The following PDE4D variants were observed in gnomAD, a reference collection of about 807,000 sequenced individuals.
The protein encoded by PDE4D is phosphodiesterase 4D.
In PDE4D, 24 loss-of-function variants were observed where a neutral mutation model predicts 87.4. That is an observed-to-expected ratio of 0.27 (90% CI 0.20 to 0.39). The LOEUF is 0.39. PDE4D is among the 10% of genes least tolerant of loss of function. The probability of loss-of-function intolerance (pLI) is 1.00; values close to 1 mark genes in which losing one functional copy is unlikely to be tolerated. For synonymous variants in PDE4D, 384 were observed against 383.2 expected, an observed-to-expected ratio of 1.00 and a Z score of -0.02; for missense variants, 714 against 1,041.0, an observed-to-expected ratio of 0.69 and a Z score of 4.32.
chr5:59,367,930 T>C (rs1473320219), intron 1 of PDE4D, among the ~76,000 whole-genome samples: 2 of 152,252 alleles, frequency 1.3e-5, no homozygotes, highest in Non-Finnish European at 2.9e-5. Flanking sequence ...TTCGTGCCAG[T>C]CTGCAAGGCA....
chr5:59,511,541 C>CTAATATGCA (rs1220675171), intron 1 of PDE4D, among the ~76,000 whole-genome samples: 1 of 151,858 alleles, frequency 6.6e-6, no homozygotes, highest in East Asian at 1.9e-4. Flanking sequence ...TACTTGTTGA[C>CTAATATGCA]TAATATGCAC....
At chr5:59,483,374 T>C (rs1376326492) in intron 1 of PDE4D, among the ~76,000 whole-genome samples, 1 of 152,200 alleles carries the variant, frequency 6.6e-6, no homozygotes, top group Non-Finnish European at 1.5e-5. Flanking sequence ...TAAGTAAATA[T>C]GTATCTCACA....
chr5:60,365,366 T>C (rs1257980565), intron 1 of PDE4D, among the ~76,000 whole-genome samples: 2 of 152,206 alleles, frequency 1.3e-5, no homozygotes, highest in African/African-American at 4.8e-5. Flanking sequence ...TAAAGCTGCA[T>C]GTTTGCCTTT....
In PDE4D at chr5:59,976,145, T is replaced by C. The variant is rs1205911305; in HGVS notation, c.272+12343A>G. On this transcript the variant is annotated intron_variant, in intron 3 of 16. Coordinates refer to the PDE4D transcript ENST00000502484. The stretch of plus-strand genomic sequence containing the variant: ...GTTGAATATAAAGTGAATACATTAA[T>C]ATATGACTAATGCATGATTGAGGGG... Among the ~76,000 whole-genome samples, 3 of 152,176 alleles carry C rather than the reference T, an allele frequency of 2.0e-5. No homozygotes were observed. The East Asian group carries it at 5.8e-4, about 29-fold the overall frequency.
intron 1 of PDE4D, among the ~76,000 whole-genome samples, chr5:60,398,019 C>T (rs1487143872): frequency 1.3e-5 from 2 of 152,132 alleles, no homozygotes; most frequent in African/African-American, 2.4e-5. Context: ...CTCAGGATTA[C>T]CCCAGAAGAT....
chr5:59,949,172 C>T (rs927420540), intron 3 of PDE4D, among the ~76,000 whole-genome samples: 1 of 152,214 alleles, frequency 6.6e-6, no homozygotes, highest in Non-Finnish European at 1.5e-5. Flanking sequence ...TGGCTCATGC[C>T]TGTAATCCCA....
At chr5:59,337,517 G>A (rs574246164) in intron 1 of PDE4D, among the ~76,000 whole-genome samples, 1 of 151,986 alleles carries the variant, frequency 6.6e-6, no homozygotes, top group South Asian at 2.1e-4. Flanking sequence ...CATTTTTGCA[G>A]TATTTACCAT....
chr5:59,884,634 T>G (rs1307124952), intron 1 of PDE4D, among the ~76,000 whole-genome samples: 1 of 152,034 alleles, frequency 6.6e-6, no homozygotes, highest in Non-Finnish European at 1.5e-5. Flanking sequence ...TATTCAATTA[T>G]ATTCTTAGGC....
At chr5:60,040,827 A>G (rs1323177086) in intron 2 of PDE4D, among the ~76,000 whole-genome samples, 1 of 152,204 alleles carries the variant, frequency 6.6e-6, no homozygotes, top group Non-Finnish European at 1.5e-5. Context: ...TGTTCCATTT[A>G]CTGAAAAACT....
At chr5:59,157,132 C>T (rs1464061068) in intron 5 of PDE4D, 2 of 529,404 alleles carry the variant, frequency 3.8e-6, no homozygotes, top group Non-Finnish European at 6.7e-6. Context: ...ACATTAATAC[C>T]CAGGATGGTA....
At chr5:59,048,347 C>A (rs969529848) in intron 5 of PDE4D, among the ~76,000 whole-genome samples, 1 of 152,232 alleles carries the variant, frequency 6.6e-6, no homozygotes, top group African/African-American at 2.4e-5. Context: ...CATATACTAT[C>A]AATCTTAGGA....
intron 1 of PDE4D, among the ~76,000 whole-genome samples, chr5:59,836,636 A>ATCTATCTG (rs1742094398): frequency 6.7e-6 from 1 of 150,126 alleles, no homozygotes; most frequent in Admixed American, 6.6e-5. Flanking sequence ...CTATCTATCT[A>ATCTATCTG]TCTATCTATC....
chr5:59,597,514 T>TGAGAGAGAGAGAAAGAGA (rs1826871380), intron 1 of PDE4D, among the ~76,000 whole-genome samples: 1 of 150,204 alleles, frequency 6.7e-6, no homozygotes, highest in Non-Finnish European at 1.5e-5. Context: ...TAAGGAGAGG[T>TGAGAGAGAGAGAAAGAGA]GAGAGAGAGA....
At chr5:60,364,284 C>T (rs993893432) in intron 1 of PDE4D, among the ~76,000 whole-genome samples, 3 of 152,082 alleles carry the variant, frequency 2.0e-5, no homozygotes, top group Non-Finnish European at 4.4e-5. Flanking sequence ...TAATGTATTA[C>T]CCAAGCCAGG....
intron 1 of PDE4D, among the ~76,000 whole-genome samples, chr5:59,588,036 A>T (rs965022325): frequency 6.6e-6 from 1 of 152,056 alleles, no homozygotes; most frequent in Non-Finnish European, 1.5e-5. Context: ...TGTTTACTTG[A>T]TGATTTGTAA....
chr5:59,983,115 G>C (rs1762093528), intron 3 of PDE4D, among the ~76,000 whole-genome samples: 1 of 152,026 alleles, frequency 6.6e-6, no homozygotes, highest in Non-Finnish European at 1.5e-5. Flanking sequence ...TCTATGTCCA[G>C]AGCCCCACTC....
At chr5:58,988,733 C>T (rs963566739) in intron 10 of PDE4D, 141 bp from the exon 11 acceptor site, 13 of 404,508 alleles carry the variant, frequency 3.2e-5, no homozygotes, top group Non-Finnish European at 4.3e-6. Context: ...AAGGGAGAGT[C>T]TTAGATACTT....
At position 58,973,599 on chromosome 5, in the gene PDE4D, T is replaced by TTA. The variant is rs985619216; in HGVS notation, c.*1063_*1064dup. 6.6e-6 allele frequency: 1 copy of TTA among 152,590 alleles called. No homozygotes were observed. The highest frequency in any genetic ancestry group is 2.4e-5 in the African/African-American group (1 of 41,446). The allele number at this position is 152,590 out of a possible 1,614,324, so 9.5% of individuals were successfully genotyped here. A position where few individuals can be genotyped will look rare whatever the true frequency, so the allele number is the denominator to read the frequency against. ...ACTGACCATTTTAGCTACTGGGTAT[T>TTA]TATATATCTCCCACTTGCTTCAGAC... On this transcript the variant is annotated 3_prime_UTR_variant, in exon 15 of 15. Transcript: ENST00000340635.
At chr5:59,107,816 C>A (rs1237734691) in intron 5 of PDE4D, among the ~76,000 whole-genome samples, 1 of 152,296 alleles carries the variant, frequency 6.6e-6, no homozygotes, top group Non-Finnish European at 1.5e-5. Flanking sequence ...CAGTTCTGGG[C>A]TTAAACATTA....
Sources: allele counts gnomAD v4.1 joint callset (sites outside exome capture counted in the v4.1 genomes callset), GRCh38; gene constraint gnomAD v4.1.1; transcripts MANE v1.5; gene names NCBI Gene and HGNC (gene_info 2026-07-23, HGNC 2026-07-21).